CCDC7: variants seen among roughly 807,000 people sequenced by gnomAD.
CCDC7 encodes coiled-coil domain containing 7, also known as coiled-coil domain-containing protein 7.
In CCDC7, 183 loss-of-function variants were observed where a neutral mutation model predicts 196.9. The ratio of observed to expected loss-of-function variants is 0.93; its 90% confidence interval spans 0.82 to 1.05. The LOEUF is 1.05. Among genes scored for constraint, CCDC7 ranks in the 50% least tolerant of loss-of-function variants. The probability of loss-of-function intolerance (pLI) is 0.00; values close to 1 mark genes in which losing one functional copy is unlikely to be tolerated. For missense variants in CCDC7, 1,540 were observed against 1,482.2 expected, an observed-to-expected ratio of 1.04 and a Z score of -0.64; for synonymous variants, 525 against 484.6, an observed-to-expected ratio of 1.08 and a Z score of -1.10.
intron 29 of CCDC7, among the ~76,000 whole-genome samples, chr10:32,786,069 G>T (rs1317945724): frequency 6.6e-6 from 1 of 152,172 alleles, no homozygotes; most frequent in Non-Finnish European, 1.5e-5. Context: ...ACTGTGAAAG[G>T]TGTTTGATGT....
intron 18 of CCDC7, among the ~76,000 whole-genome samples, chr10:32,585,235 A>ACACGCG (rs1294709689): frequency 6.6e-6 from 1 of 152,024 alleles, no homozygotes; most frequent in African/African-American, 2.4e-5. Flanking sequence ...CGCCATGCCC[A>ACACGCG]GCTAATTTTT....
intron 5 of CCDC7, among the ~76,000 whole-genome samples, chr10:32,467,025 G>A (rs2036936259): frequency 6.6e-6 from 1 of 152,016 alleles, no homozygotes. Context: ...CTAATGATCA[G>A]TGATGTTGAG....
intron 29 of CCDC7, among the ~76,000 whole-genome samples, chr10:32,797,106 G>A (rs1322839380): frequency 1.3e-5 from 2 of 151,842 alleles, no homozygotes; most frequent in East Asian, 1.9e-4. Context: ...TTGCAAAAAT[G>A]TGGAACCAAC....
chr10:32,783,072 CA>C (rs2134373284), intron 29 of CCDC7, among the ~76,000 whole-genome samples: 1 of 152,154 alleles, frequency 6.6e-6, no homozygotes, highest in South Asian at 2.1e-4. Context: ...GAGAGAAAAA[CA>C]GGGAAAAGCC....
At chr10:32,769,618 C>A (rs1023506626) in intron 28 of CCDC7, among the ~76,000 whole-genome samples, 3 of 152,084 alleles carry the variant, frequency 2.0e-5, no homozygotes, top group Non-Finnish European at 2.9e-5. Context: ...TCTGCTAATG[C>A]TATCCATCCC....
At chr10:32,735,765 G>A (rs574257473) in intron 28 of CCDC7, among the ~76,000 whole-genome samples, 1 of 152,118 alleles carries the variant, frequency 6.6e-6, no homozygotes, top group South Asian at 2.1e-4. Context: ...ACCTACACTT[G>A]TTCCTTTGTG....
intron 21 of CCDC7, among the ~76,000 whole-genome samples, chr10:32,669,276 G>A (rs759566250): frequency 6.6e-6 from 1 of 152,082 alleles, no homozygotes; most frequent in African/African-American, 2.4e-5. Context: ...TTCTTTGAAT[G>A]TGCTGTCGAA....
chr10:32,734,373 T>C (rs1037310729), intron 28 of CCDC7, among the ~76,000 whole-genome samples: 12 of 152,138 alleles, frequency 7.9e-5, no homozygotes, highest in African/African-American at 1.9e-4. Flanking sequence ...TTCTCACTTA[T>C]AAGTAGGAGT....
chr10:32,839,952 T>G (rs1236169024), intron 33 of CCDC7, among the ~76,000 whole-genome samples: 1 of 151,970 alleles, frequency 6.6e-6, no homozygotes, highest in Non-Finnish European at 1.5e-5. Flanking sequence ...TTCTTTGAAC[T>G]GAACAATAAT....
chr10:32,837,876 G>A (rs1285151355), intron 33 of CCDC7, among the ~76,000 whole-genome samples: 1 of 143,310 alleles, frequency 7.0e-6, no homozygotes, highest in East Asian at 2.1e-4. Context: ...ATTGAACAAT[G>A]AGAACACATG....
chr10:32,528,949 C>T lies in CCDC7; in HGVS notation c.993+10444C>T, dbSNP rs148913677. On this transcript the variant is annotated intron_variant, in intron 11 of 41. Transcript: ENST00000639629. ...GACTTCTTTTCCTCTGGGTAGATAC[C>T]CAGTCGTGGGATTGCTGGATCAAAT... is the stretch of plus-strand genomic sequence containing the variant. Among the ~76,000 whole-genome samples the T allele has an allele frequency of 8.4e-3, 1,272 of 151,716 alleles. 28 individuals carry two copies. Among genetic ancestry groups the T allele is most frequent in the African/African-American group, 0.028 (1,172 of 41,372 alleles).
chr10:32,745,448 G>T (rs184809275), intron 28 of CCDC7, among the ~76,000 whole-genome samples: 1 of 152,208 alleles, frequency 6.6e-6, no homozygotes, highest in African/African-American at 2.4e-5. Context: ...AGGAGAGCCA[G>T]CATATTACAT....
intron 24 of CCDC7, among the ~76,000 whole-genome samples, chr10:32,703,081 C>T (rs201675209): frequency 1.3e-5 from 2 of 152,096 alleles, no homozygotes; most frequent in East Asian, 1.9e-4. Flanking sequence ...GTTATTTGCT[C>T]GTTAGTTGAT....
chr10:32,815,628 A>G (rs2088276807), intron 31 of CCDC7, among the ~76,000 whole-genome samples: 1 of 152,248 alleles, frequency 6.6e-6, no homozygotes, highest in Non-Finnish European at 1.5e-5. Flanking sequence ...ACTAGGTAAT[A>G]TTAATCTATA....
At chr10:32,779,116 A>G in intron 29 of CCDC7, 32 bp downstream of exon 30, 1 of 1,402,510 alleles carries the variant, frequency 7.1e-7, no homozygotes. Context: ...GATACAGTAG[A>G]ACACAATCTA....
intron 20 of CCDC7, among the ~76,000 whole-genome samples, chr10:32,641,966 T>G (rs542734227): frequency 5.9e-5 from 9 of 152,240 alleles, no homozygotes; most frequent in Non-Finnish European, 1.0e-4. Context: ...GCAGAACAGC[T>G]GGTATTGGTG....
At chr10:32,748,606 GA>G (rs201230281) in intron 28 of CCDC7, among the ~76,000 whole-genome samples, 1,575 of 152,036 alleles carry the variant, frequency 0.01, 20 homozygotes, top group African/African-American at 0.035. Context: ...AAGTATGAGG[GA>G]AAAAAAGTCT....
In CCDC7 at chr10:32,854,503, T is replaced by C. The variant is rs370243959; in HGVS notation, c.4111+14T>C. The C allele has an allele frequency of 4.6e-5, 63 of 1,376,136 alleles. No homozygotes were observed. Among genetic ancestry groups the C allele is most frequent in the Non-Finnish European group, 6.5e-5 (63 of 970,384 alleles). 85.2% of individuals were successfully genotyped at this position (1,376,136 alleles called of 1,614,324 possible). On this transcript the variant is annotated intron_variant, in intron 41 of 41. Coordinates refer to ENST00000639629, the Ensembl canonical transcript of CCDC7. ...CTACCTATAAAGGTAAAAGAATCAC[T>C]ACAATACAGACATATGAAATAAAAC...
At chr10:32,860,711 C>T (rs542000831) in intron 41 of CCDC7, among the ~76,000 whole-genome samples, 1 of 151,570 alleles carries the variant, frequency 6.6e-6, no homozygotes, top group African/African-American at 2.4e-5. Flanking sequence ...GCAACTTCAG[C>T]AAAGTCTCAG....
Sources: allele counts gnomAD v4.1 joint callset (sites outside exome capture counted in the v4.1 genomes callset), GRCh38; gene constraint gnomAD v4.1.1; transcripts MANE v1.5; gene names NCBI Gene and HGNC (gene_info 2026-07-23, HGNC 2026-07-21).